The following CFAP61 variants were observed in gnomAD, a reference collection of about 807,000 sequenced individuals.
The protein encoded by CFAP61 is cilia and flagella associated protein 61.
In CFAP61, 107 loss-of-function variants were observed where a neutral mutation model predicts 135.6. The observed-to-expected ratio is 0.79, with a 90% CI of 0.67 to 0.93. The LOEUF is 0.93. CFAP61 is among the 40% of genes least tolerant of loss of function. The probability of loss-of-function intolerance (pLI) is 0.00; values close to 1 mark genes in which losing one functional copy is unlikely to be tolerated. For missense variants in CFAP61, 1,507 were observed against 1,556.2 expected (o/e 0.97, Z 0.53); for synonymous variants, 575 against 578.5 (o/e 0.99, Z 0.09).
At chr20:20,084,484 A>G (rs1287716320) in intron 6 of CFAP61, among the ~76,000 whole-genome samples, 1 of 152,074 alleles carries the variant, frequency 6.6e-6, no homozygotes, top group Non-Finnish European at 1.5e-5. Flanking sequence ...GTGCATTTGC[A>G]GTGGTTTCTG....
Position 20,111,577 on chromosome 20 carries a change from CAGTT to C in CFAP61, c.859+12765_859+12768del, listed in dbSNP as rs531281989. On this transcript the variant is annotated intron_variant, in intron 8 of 26. Transcript: ENST00000245957. ...TTCCAATCTAATCCTTGGTCATAAC[CAGTT>C]ATGTCTTGTTACAAGGAGGACAGAT... Among the ~76,000 whole-genome samples the C allele has an allele frequency of 2.6e-5, 4 of 152,270 alleles. No homozygotes were observed. The South Asian group carries it at 6.2e-4, about 24-fold the overall frequency.
intron 8 of CFAP61, among the ~76,000 whole-genome samples, chr20:20,139,179 T>A (rs2051167697): frequency 6.6e-6 from 1 of 152,222 alleles, no homozygotes; most frequent in South Asian, 2.1e-4. Flanking sequence ...GTATTATTCC[T>A]ATTAGATAAA....
chr20:20,315,219 G>A (rs964307460), intron 25 of CFAP61, among the ~76,000 whole-genome samples: 2,233 of 151,922 alleles, frequency 0.015, 58 homozygotes, highest in African/African-American at 0.05. Context: ...ACTTTTTAAT[G>A]ACTGCCATTC....
At chr20:20,226,146 G>C (rs945802586) in intron 17 of CFAP61, 3 of 152,178 alleles carry the variant, frequency 2.0e-5, no homozygotes, top group Non-Finnish European at 4.4e-5. Flanking sequence ...ATCCCTCCCT[G>C]GGCTGTGTCA....
At chr20:20,280,482 A>G (rs1423958240) in intron 22 of CFAP61, among the ~76,000 whole-genome samples, 3 of 152,180 alleles carry the variant, frequency 2.0e-5, no homozygotes, top group African/African-American at 7.2e-5. Context: ...GTCACAGTGT[A>G]TGTACCTACT....
chr20:20,135,541 G>T (rs1037140183), intron 8 of CFAP61, among the ~76,000 whole-genome samples: 1 of 152,094 alleles, frequency 6.6e-6, no homozygotes, highest in African/African-American at 2.4e-5. Flanking sequence ...TATGTTTTTA[G>T]ATTTGAGGGA....
At chr20:20,314,917 T>G (rs1359021209) in intron 25 of CFAP61, among the ~76,000 whole-genome samples, 1 of 131,266 alleles carries the variant, frequency 7.6e-6, no homozygotes, top group Non-Finnish European at 1.6e-5. Context: ...GTGCCACATT[T>G]TCTTAATCCA....
At chr20:20,178,526 G>A (rs1445150472) in intron 13 of CFAP61, among the ~76,000 whole-genome samples, 1 of 152,064 alleles carries the variant, frequency 6.6e-6, no homozygotes, top group African/African-American at 2.4e-5. Flanking sequence ...TTTAAATGTG[G>A]GGAAACGTTT....
At chr20:20,333,583 G>A (rs1362400180) in intron 25 of CFAP61, among the ~76,000 whole-genome samples, 2 of 152,180 alleles carry the variant, frequency 1.3e-5, no homozygotes, top group East Asian at 1.9e-4. Context: ...ACTCCTTAGA[G>A]ATCAGAGCAA....
At chr20:20,100,059 A>T (rs888104036) in intron 8 of CFAP61, among the ~76,000 whole-genome samples, 5 of 152,264 alleles carry the variant, frequency 3.3e-5, no homozygotes, top group Non-Finnish European at 5.9e-5. Context: ...CCCAGAGAAG[A>T]ACTCTACCAT....
chr20:20,132,070 A>G (rs372594323), intron 8 of CFAP61, among the ~76,000 whole-genome samples: 3 of 151,496 alleles, frequency 2.0e-5, no homozygotes, highest in African/African-American at 7.3e-5. Flanking sequence ...TTTAATAGCA[A>G]CTCCCCATTT....
At chr20:20,289,707 G>C (rs1336581936) in intron 23 of CFAP61, among the ~76,000 whole-genome samples, 1 of 152,166 alleles carries the variant, frequency 6.6e-6, no homozygotes, top group Non-Finnish European at 1.5e-5. Context: ...AGCCCCACAA[G>C]GTCTTGCTCT....
chr20:20,354,636 A>G (rs6081972), intron 26 of CFAP61, among the ~76,000 whole-genome samples: 140,789 of 152,168 alleles, frequency 0.93, 66,069 homozygotes, highest in East Asian at 1. Context: ...GAAGGGAGAT[A>G]GTCACACTGA....
intron 2 of CFAP61, among the ~76,000 whole-genome samples, chr20:20,062,997 C>A (rs2044924027): frequency 6.6e-6 from 1 of 152,140 alleles, no homozygotes; most frequent in South Asian, 2.1e-4. Context: ...TATAAAAAAA[C>A]TGCATGCCAA....
intron 25 of CFAP61, among the ~76,000 whole-genome samples, chr20:20,314,436 G>T (rs2056998176): frequency 6.7e-6 from 1 of 149,092 alleles, no homozygotes; most frequent in Non-Finnish European, 1.5e-5. Context: ...TGGGGAAAAA[G>T]AAACCATAAA....
chr20:20,253,230 GTCCTTCCTTCCTTCCTTCTTTCTT>G (rs1196319672), intron 20 of CFAP61: 5 of 126,294 alleles, frequency 4.0e-5, no homozygotes, highest in African/African-American at 1.2e-4. Flanking sequence ...CCTTCTTTCT[GTCCTTCCTTCCTTCCTTCTTTCTT>G]TCCTTCCTTC....
chr20:20,317,944 C>G (rs751399147), intron 25 of CFAP61, among the ~76,000 whole-genome samples: 3 of 152,220 alleles, frequency 2.0e-5, no homozygotes, highest in Non-Finnish European at 4.4e-5. Context: ...AGCTGACAAA[C>G]GGCGCCTGCA....
intron 1 of CFAP61, chr20:20,052,859 A>C (rs1201638929): frequency 2.5e-6 from 2 of 794,900 alleles, no homozygotes. Context: ...CGAGCATTGC[A>C]TTCTAGTAGT....
At chr20:20,200,692 A>G in intron 17 of CFAP61, 1 of 985,374 alleles carries the variant, frequency 1.0e-6, no homozygotes, top group Non-Finnish European at 1.2e-6. Context: ...ACAGGAAAAA[A>G]GGAAAGTGTA....
Sources: allele counts gnomAD v4.1 joint callset (sites outside exome capture counted in the v4.1 genomes callset), GRCh38; gene constraint gnomAD v4.1.1; transcripts MANE v1.5; gene names NCBI Gene and HGNC (gene_info 2026-07-23, HGNC 2026-07-21).